WWC2: variants seen among roughly 807,000 people sequenced by gnomAD.
WWC2 encodes the protein WW and C2 domain containing 2.
Under a neutral mutation model 138.5 loss-of-function variants are expected in WWC2, and 101 were observed. The observed-to-expected ratio is 0.73, with a 90% CI of 0.62 to 0.86. The LOEUF is 0.86. Ranked by LOEUF, WWC2 falls within the 40% of genes least tolerant of loss-of-function variation. The probability of loss-of-function intolerance (pLI) is 0.00; values close to 1 mark genes in which losing one functional copy is unlikely to be tolerated. For synonymous variants in WWC2, 558 were observed against 538.4 expected (o/e 1.04, Z -0.50); for missense variants, 1,420 against 1,419.4 (o/e 1.00, Z -0.01).
intron 1 of WWC2, among the ~76,000 whole-genome samples, chr4:183,126,895 A>ATTT (rs11412789): frequency 1.4e-4 from 19 of 134,286 alleles, no homozygotes; most frequent in Middle Eastern, 3.9e-3. Context: ...TGCCCAGCTA[A>ATTT]TTTTTTTTTT....
chr4:183,112,485 A>G (rs1032082208), intron 1 of WWC2, among the ~76,000 whole-genome samples: 1 of 152,220 alleles, frequency 6.6e-6, no homozygotes, highest in African/African-American at 2.4e-5. Context: ...AGTAACCTCC[A>G]TAATTTGTCC....
intron 1 of WWC2, among the ~76,000 whole-genome samples, chr4:183,107,537 G>A (rs1480767902): frequency 6.6e-6 from 1 of 152,102 alleles, no homozygotes; most frequent in Non-Finnish European, 1.5e-5. Flanking sequence ...TCTTCGTAGT[G>A]TTTTGATGGC....
At chr4:183,234,486 G>A (rs186127984) in intron 4 of WWC2, among the ~76,000 whole-genome samples, 1 of 152,220 alleles carries the variant, frequency 6.6e-6, no homozygotes, top group African/African-American at 2.4e-5. Flanking sequence ...GGCAGAATAA[G>A]GGTCACAGAT....
chr4:183,125,086 G>T (rs1479935896), intron 1 of WWC2, among the ~76,000 whole-genome samples: 1 of 152,162 alleles, frequency 6.6e-6, no homozygotes, highest in African/African-American at 2.4e-5. Flanking sequence ...ACCGATGCAG[G>T]AATAAGGGCT....
intron 4 of WWC2, among the ~76,000 whole-genome samples, chr4:183,237,700 T>C (rs1736469911): frequency 6.6e-6 from 1 of 152,216 alleles, no homozygotes. Flanking sequence ...CTGATAAACA[T>C]TCAGGTTAAA....
chr4:183,150,772 A>G (rs376830685), intron 1 of WWC2, among the ~76,000 whole-genome samples: 2 of 152,092 alleles, frequency 1.3e-5, no homozygotes, highest in East Asian at 3.9e-4. Flanking sequence ...GAGTGAGAAC[A>G]TGCAGTGTTT....
chr4:183,099,744 A>G, intron 1 of WWC2, 122 bp downstream of exon 1: 1 of 1,016,444 alleles, frequency 9.8e-7, no homozygotes, highest in Non-Finnish European at 1.2e-6. Context: ...CCCGGGAGGG[A>G]TGTGGGGCTG....
intron 1 of WWC2, among the ~76,000 whole-genome samples, chr4:183,126,923 G>C (rs1261990164): frequency 6.8e-6 from 1 of 146,116 alleles, no homozygotes; most frequent in Non-Finnish European, 1.5e-5. Flanking sequence ...TTTAAAGAGA[G>C]ATAGAGTCTC....
intron 1 of WWC2, among the ~76,000 whole-genome samples, chr4:183,102,759 A>T (rs1743217852): frequency 6.6e-6 from 1 of 151,310 alleles, no homozygotes; most frequent in Non-Finnish European, 1.5e-5. Flanking sequence ...CCACTCCCCG[A>T]GTGTTATTTT....
At chr4:183,194,480 T>A (rs1735077201) in intron 2 of WWC2, among the ~76,000 whole-genome samples, 1 of 152,270 alleles carries the variant, frequency 6.6e-6, no homozygotes, top group African/African-American at 2.4e-5. Context: ...ATTTTATTTT[T>A]ATAAGTTTTG....
At position 183,248,774 on chromosome 4, in the gene WWC2, G is replaced by C; in HGVS notation, c.793G>C (p.Asp265His). The change falls in exon 7 of 23, where the codon GAT becomes CAT. Residue 265 changes from aspartate (D) to histidine (H), a missense_variant. Transcript: ENST00000403733. ...TCAGAACATTGGCAGATCTGAGCCAGATTTGAGATGTAGTCCTGTGAACTC... is the reference window on the plus strand; with the variant it reads ...TCAGAACATTGGCAGATCTGAGCCACATTTGAGATGTAGTCCTGTGAACTC... Reference protein sequence around the residue: ...LDQNIGRSEPDLRCSPVNSHL... With the variant: ...LDQNIGRSEPHLRCSPVNSHL... 6.2e-7 allele frequency: 1 copy of C among 1,604,162 alleles called. No homozygotes were observed. Among genetic ancestry groups the C allele is most frequent in the Non-Finnish European group, 8.5e-7 (1 of 1,174,938 alleles).
chr4:183,232,527 T>C (rs1235957483), intron 4 of WWC2, among the ~76,000 whole-genome samples: 1 of 152,204 alleles, frequency 6.6e-6, no homozygotes, highest in African/African-American at 2.4e-5. Context: ...TCGTATACTG[T>C]GTGATCATTT....
chr4:183,266,021 A>C, intron 14 of WWC2, 70 bp downstream of exon 14: 1 of 1,348,204 alleles, frequency 7.4e-7, no homozygotes. Flanking sequence ...TTACACTGTA[A>C]TCATACAGTT....
intron 21 of WWC2, among the ~76,000 whole-genome samples, chr4:183,298,868 A>G (rs1481903629): frequency 6.6e-6 from 1 of 152,182 alleles, no homozygotes; most frequent in African/African-American, 2.4e-5. Flanking sequence ...GGGTACATGC[A>G]GTACTTTGAT....
At position 183,110,587 on chromosome 4, in the gene WWC2, T is replaced by C. The variant is rs552291213; in HGVS notation, c.131+10965T>C. The stretch of plus-strand genomic sequence containing the variant: ...GTATTGGGAGCTGTTTTTTCACTCC[T>C]GTAGCTCATGAGGAATTACAATAGT... On this transcript the variant is annotated intron_variant, in intron 1 of 22. Transcript: ENST00000403733. Among the ~76,000 whole-genome samples, 179 of 152,256 alleles carry C rather than the reference T, an allele frequency of 1.2e-3. 2 individuals are homozygous for C. Among genetic ancestry groups the C allele is most frequent in the African/African-American group, 4.2e-3 (174 of 41,548 alleles).
intron 4 of WWC2, among the ~76,000 whole-genome samples, chr4:183,224,924 A>C (rs1227676255): frequency 6.6e-6 from 1 of 152,164 alleles, no homozygotes; most frequent in Non-Finnish European, 1.5e-5. Flanking sequence ...GACATGTTTT[A>C]GGTCATTGTA....
At chr4:183,266,061 G>A in intron 14 of WWC2, 110 bp downstream of exon 14, 1 of 1,005,716 alleles carries the variant, frequency 9.9e-7, no homozygotes, top group Non-Finnish European at 1.5e-6. Context: ...AAAAGACATA[G>A]CAGGGCTGAT....
chr4:183,276,858 C>T (rs1045546437), intron 16 of WWC2, among the ~76,000 whole-genome samples: 5 of 151,850 alleles, frequency 3.3e-5, no homozygotes, highest in African/African-American at 4.8e-5. Context: ...CTAGGTCTGC[C>T]GTTATTTCTT....
At chr4:183,297,316 T>C (rs1465191195) in intron 21 of WWC2, among the ~76,000 whole-genome samples, 1 of 151,920 alleles carries the variant, frequency 6.6e-6, no homozygotes, top group East Asian at 1.9e-4. Flanking sequence ...CAGCACTTAG[T>C]TGGTTTTAAA....
Sources: gnomAD v4.1 joint callset for allele counts (sites outside exome capture counted in the v4.1 genomes callset) on GRCh38, gnomAD v4.1.1 for gene constraint, MANE v1.5 for transcripts, NCBI Gene and HGNC (gene_info 2026-07-23, HGNC 2026-07-21) for gene names.